Variants in PARD3B observed in about 807,000 individuals in gnomAD.
PARD3B encodes the protein partitioning defective 3 homolog B.
PARD3B carries 103 observed loss-of-function variants against 130.2 expected under a neutral mutation model. That is an observed-to-expected ratio of 0.79 (90% CI 0.67 to 0.93). PARD3B has a LOEUF of 0.93. Ranked by LOEUF, PARD3B falls within the 40% of genes least tolerant of loss-of-function variation. The probability of loss-of-function intolerance (pLI) is 0.00; values close to 1 mark genes in which losing one functional copy is unlikely to be tolerated. For missense variants in PARD3B, 1,609 were observed against 1,499.2 expected (o/e 1.07, Z -1.21); for synonymous variants, 583 against 553.2 (o/e 1.05, Z -0.76).
rs879290821 is a variant in PARD3B at position 205,562,679 on chromosome 2, A to G, written c.3260+9276A>G. ...AGGCATCTGCTTAGAGTATTGCTCT[A>G]TATCTCATTTCTCATAATCTTTGGT... On this transcript the variant is annotated intron_variant, in intron 22 of 22. Coordinates refer to ENST00000406610, the MANE Select transcript of PARD3B (RefSeq NM_001302769.2). The surrounding 1 kb of genome is among the most constrained non-coding windows in gnomAD (Gnocchi z 5.4). Among the ~76,000 whole-genome samples, 5 of 152,222 alleles carry G rather than the reference A, an allele frequency of 3.3e-5. No individual in the cohort carries two copies. The highest frequency in any genetic ancestry group is 6.5e-5 in the Admixed American group (1 of 15,286).
chr2:205,396,631 A>T (rs2046040911), intron 18 of PARD3B, among the ~76,000 whole-genome samples: 2 of 152,232 alleles, frequency 1.3e-5, no homozygotes, highest in Admixed American at 1.3e-4. Flanking sequence ...AGGTACATGT[A>T]AAAAAAGATT....
At position 204,664,251 on chromosome 2, in the gene PARD3B, T is replaced by C. The variant is rs539295806; in HGVS notation, c.121-21930T>C. On this transcript the variant is annotated intron_variant, in intron 1 of 22. Coordinates refer to ENST00000406610, the MANE Select transcript of PARD3B (RefSeq NM_001302769.2). The surrounding 1 kb of genome is among the most constrained non-coding windows in gnomAD (Gnocchi z 5.2). ...GCAGAAAATATTTGGGGTGATAAGA[T>C]TGAATATGGAATAGAGCATCAATTG... 2.0e-5 allele frequency among the ~76,000 whole-genome samples: 3 copies of C among 152,278 alleles called. No homozygotes were observed. In the South Asian group the frequency reaches 6.2e-4, roughly 32 times the overall value.
chr2:204,868,638 G>T (rs931111222), intron 2 of PARD3B, among the ~76,000 whole-genome samples: 1 of 152,120 alleles, frequency 6.6e-6, no homozygotes, highest in African/African-American at 2.4e-5. Flanking sequence ...ACAACTTCAT[G>T]GGAGGAACTC....
intron 19 of PARD3B, among the ~76,000 whole-genome samples, chr2:205,432,703 G>A (rs1301047550): frequency 6.6e-6 from 1 of 151,572 alleles, no homozygotes; most frequent in Non-Finnish European, 1.5e-5. Context: ...TTAAAATTTT[G>A]TACCTTGGTC....
At chr2:205,070,624 A>G (rs1379541598) in intron 4 of PARD3B, among the ~76,000 whole-genome samples, 1 of 152,122 alleles carries the variant, frequency 6.6e-6, no homozygotes, top group Admixed American at 6.6e-5. Flanking sequence ...ATATAGCAAT[A>G]CTTCTTATGT....
intron 1 of PARD3B, among the ~76,000 whole-genome samples, chr2:204,607,914 T>G (rs904317403): frequency 1.3e-5 from 2 of 152,160 alleles, no homozygotes; most frequent in Non-Finnish European, 2.9e-5. Context: ...GCTATGGCAT[T>G]TATTAAGGAC....
chr2:205,425,707 C>A (rs1251880348), intron 19 of PARD3B, among the ~76,000 whole-genome samples: 1 of 152,086 alleles, frequency 6.6e-6, no homozygotes, highest in Admixed American at 6.6e-5. Context: ...TGAGTCCACG[C>A]CTGACTCTCA....
intron 18 of PARD3B, among the ~76,000 whole-genome samples, chr2:205,350,096 T>C (rs989130146): frequency 6.6e-6 from 1 of 152,174 alleles, no homozygotes; most frequent in African/African-American, 2.4e-5. Context: ...TTTATATGCC[T>C]CTGTTATATC....
At chr2:204,870,107 C>T (rs1048651098) in intron 2 of PARD3B, among the ~76,000 whole-genome samples, 1 of 152,096 alleles carries the variant, frequency 6.6e-6, no homozygotes, top group African/African-American at 2.4e-5. Context: ...ACACCCTCTT[C>T]GCCCTCCATT....
intron 2 of PARD3B, among the ~76,000 whole-genome samples, chr2:204,869,114 A>G (rs1026981427): frequency 6.6e-5 from 10 of 152,132 alleles, no homozygotes; most frequent in African/African-American, 1.7e-4. Flanking sequence ...TATCTACTTT[A>G]TACAGATCAG....
At chr2:204,760,090 A>T (rs2040835163) in intron 2 of PARD3B, among the ~76,000 whole-genome samples, 1 of 152,132 alleles carries the variant, frequency 6.6e-6, no homozygotes, top group African/African-American at 2.4e-5. Context: ...AAAGTAGCCA[A>T]ATAGTCTAAC....
intron 19 of PARD3B, among the ~76,000 whole-genome samples, chr2:205,435,892 T>A (rs1259285550): frequency 6.6e-6 from 1 of 152,188 alleles, no homozygotes; most frequent in African/African-American, 2.4e-5. Context: ...GACCTGCTAT[T>A]CCACAGCTTC....
rs1299901696 is a variant in PARD3B, at chr2:205,615,584, C to A, written c.3389C>A (p.Thr1130Lys). 1.9e-6 allele frequency: 3 copies of A among 1,614,016 alleles called. No individual in the cohort carries two copies. The highest frequency in any genetic ancestry group is 3.3e-5 in the Admixed American group (2 of 60,012). The part of the protein sequence containing the change: ...HPPKGSYPRP[T>K]ELRVADLRYP... Reference sequence around the variant, plus strand: ...CCCAAAGGGAGCTATCCCCGCCCCACAGAGCTCAGGGTGGCAGATCTCCGG... The same window carrying A: ...CCCAAAGGGAGCTATCCCCGCCCCAAAGAGCTCAGGGTGGCAGATCTCCGG... The change falls in exon 23 of 23, where the codon ACA becomes AAA. Residue 1130 changes from threonine to lysine, a missense_variant. Coordinates refer to ENST00000406610, the MANE Select transcript of PARD3B (RefSeq NM_001302769.2).
intron 20 of PARD3B, among the ~76,000 whole-genome samples, chr2:205,456,842 TTAA>T (rs1425541454): frequency 6.7e-6 from 1 of 149,622 alleles, no homozygotes; most frequent in African/African-American, 2.4e-5. Context: ...ATATAATCAT[TTAA>T]TAAATACTCA....
chr2:205,375,411 G>C (rs529633932), intron 18 of PARD3B, among the ~76,000 whole-genome samples: 6 of 152,172 alleles, frequency 3.9e-5, no homozygotes, highest in Admixed American at 1.3e-4. Context: ...GTCAGGAAGA[G>C]CCCTCTGGGT....
In PARD3B at chr2:205,518,090, T is replaced by TGTCA. The variant is rs2050870954; in HGVS notation, c.3180+18062_3180+18065dup. The stretch of plus-strand genomic sequence containing the variant: ...TTGGGTGGAGAGTTGTATAGAGCCC[T>TGTCA]GTCAGTTCCATTTGGTCCAGTGTTG... On this transcript the variant is annotated intron_variant, in intron 21 of 22. Coordinates refer to ENST00000406610, the MANE Select transcript of PARD3B (RefSeq NM_001302769.2). Among the ~76,000 whole-genome samples the TGTCA allele has an allele frequency of 7.2e-5, 11 of 152,184 alleles. 1 individual carries two copies. The South Asian group carries it at 2.3e-3, about 32-fold the overall frequency.
rs1013378596 is a variant in PARD3B at position 205,407,943 on chromosome 2, C to T, written c.2741+6820C>T. ...TTGCTTTCGTAGATCTTACTAGAATCTTAGCAGGATACATGAGGAGATGGG... is the reference window on the plus strand; with the variant it reads ...TTGCTTTCGTAGATCTTACTAGAATTTTAGCAGGATACATGAGGAGATGGG... On this transcript the variant is annotated intron_variant, in intron 19 of 22. Transcript: ENST00000406610. This position sits in a 1 kb window ranked among gnomAD's most constrained non-coding sequence, Gnocchi z 4.1. Among the ~76,000 whole-genome samples the T allele has an allele frequency of 2.0e-5, 3 of 152,100 alleles. No homozygotes were observed. Among genetic ancestry groups the T allele is most frequent in the African/African-American group, 7.2e-5 (3 of 41,410 alleles).
chr2:204,956,066 G>T (rs1285589370), intron 2 of PARD3B, among the ~76,000 whole-genome samples: 1 of 152,220 alleles, frequency 6.6e-6, no homozygotes, highest in African/African-American at 2.4e-5. Flanking sequence ...GGCCAGATTG[G>T]AAGTCAGAAG....
At chr2:205,613,706 A>G (rs2055318517) in intron 22 of PARD3B, among the ~76,000 whole-genome samples, 1 of 152,224 alleles carries the variant, frequency 6.6e-6, no homozygotes, top group African/African-American at 2.4e-5. Context: ...AGGATCTTTC[A>G]TTATTATACA....
Sources: allele counts gnomAD v4.1 joint callset (sites outside exome capture counted in the v4.1 genomes callset), GRCh38; gene constraint gnomAD v4.1.1; non-coding constraint Gnocchi (gnomAD v3.1); transcripts MANE v1.5; gene names NCBI Gene and HGNC (gene_info 2026-07-23, HGNC 2026-07-21).